The following ZNF470 variants were observed in gnomAD, a reference collection of about 807,000 sequenced individuals.
ZNF470 encodes chondrogenesis zinc finger protein 1.
A neutral mutation model predicts 13.9 loss-of-function variants in ZNF470; 13 were observed. The ratio of observed to expected loss-of-function variants is 0.94; its 90% CI spans 0.61 to 1.49. ZNF470 has a LOEUF of 1.49. Among genes scored for constraint, ZNF470 ranks in the 40% most tolerant of loss-of-function variants. The pLI, the probability that ZNF470 is intolerant of heterozygous loss-of-function variation, is 0.00. For missense variants in ZNF470, 929 were observed against 857.3 expected (o/e 1.08, Z -1.04); for synonymous variants, 293 against 282.9 (o/e 1.04, Z -0.36).
At position 56,579,282 on chromosome 19, in the gene ZNF470, C is replaced by A; in HGVS notation, c.*699C>A. 1 of 577,410 alleles carries A rather than the reference C, an allele frequency of 1.7e-6. No individual in the cohort carries two copies. Among genetic ancestry groups the A allele is most frequent in the Non-Finnish European group, 2.2e-6 (1 of 458,052 alleles). The allele number at this position is 577,410 out of a possible 1,614,324, so 35.8% of individuals were successfully genotyped here. A position where few individuals can be genotyped will look rare whatever the true frequency, so the allele number is the denominator to read the frequency against. Reference sequence around the variant, plus strand: ...ACAAAAAATACAGAAATTAGCCAGGCGTGGTGGTGCACACCTGTAGTCCTA... The same window carrying A: ...ACAAAAAATACAGAAATTAGCCAGGAGTGGTGGTGCACACCTGTAGTCCTA... On this transcript the variant is annotated 3_prime_UTR_variant, in exon 6 of 6. Transcript: ENST00000330619.
In ZNF470 at chr19:56,579,060, T is replaced by A. The variant is rs1485789311; in HGVS notation, c.*477T>A. 1 of 985,786 alleles carries A rather than the reference T, an allele frequency of 1.0e-6. No homozygotes were observed. The highest frequency in any genetic ancestry group is 1.2e-6 in the Non-Finnish European group (1 of 830,280). The allele number at this position is 985,786 out of a possible 1,614,324, so 61.1% of individuals were successfully genotyped here. A position where few individuals can be genotyped will look rare whatever the true frequency, so the allele number is the denominator to read the frequency against. ...GGTAACATGGTGGCTTATCACTCCC[T>A]CTGTGACATTGTTGATGAGCAACTC... On this transcript the variant is annotated 3_prime_UTR_variant, in exon 6 of 6. Transcript: ENST00000330619.
At position 56,577,793 on chromosome 19, in the gene ZNF470, G is replaced by A. The variant is rs746484714; in HGVS notation, c.1364G>A (p.Cys455Tyr). The change falls in exon 6 of 6, where the codon TGC becomes TAC. Residue 455 changes from cysteine (C) to tyrosine (Y), a missense_variant. Cys to Tyr is a radical substitution (Grantham distance 194). Transcript: ENST00000330619. ...RIHTGEKPYE[C>Y]NICEKAFSHR... is the part of the protein sequence containing the mutation. The stretch of plus-strand genomic sequence containing the variant: ...CATACAGGAGAGAAACCTTATGAAT[G>A]CAATATCTGTGAGAAAGCCTTCAGC... 1 of 1,613,946 alleles carries A rather than the reference G, an allele frequency of 6.2e-7. No individual in the cohort carries two copies. The highest frequency in any genetic ancestry group is 1.1e-5 in the South Asian group (1 of 91,062).
chr19:56,578,549 T>C lies in ZNF470; in HGVS notation c.2120T>C (p.Leu707Pro), dbSNP rs1281028321. ...CATACCGGAGAGTCATCAGTTATTC[T>C]CTCCTCTGCCCTCCCATACCACCAA... ...RIHTGESSVI[L>P]SSALPYHQVL The change falls in exon 6 of 6, where the codon CTC becomes CCC. Residue 707 changes from leucine to proline, a missense_variant. Coordinates refer to ENST00000330619, the MANE Select transcript of ZNF470 (RefSeq NM_001001668.4). 27 of 1,569,778 alleles carry C rather than the reference T, an allele frequency of 1.7e-5. No homozygotes were observed. Among genetic ancestry groups the C allele is most frequent in the Non-Finnish European group, 2.3e-5 (27 of 1,157,956 alleles).
intron 3 of ZNF470, among the ~76,000 whole-genome samples, chr19:56,571,775 ATTTTTTTTTTT>A (rs35836571): frequency 1.5e-5 from 2 of 131,974 alleles, no homozygotes; most frequent in Non-Finnish European, 3.2e-5. Flanking sequence ...CACCTGGCTA[ATTTTTTTTTTT>A]TTTTTTTTTT....
At chr19:56,573,748 C>T (rs1281820380) in intron 3 of ZNF470, among the ~76,000 whole-genome samples, 7 of 152,094 alleles carry the variant, frequency 4.6e-5, no homozygotes, top group Non-Finnish European at 1.0e-4. Context: ...TTGAGATCAG[C>T]CTGGGCAATA....
chr19:56,575,338 C>A (rs2044481176), intron 5 of ZNF470, among the ~76,000 whole-genome samples: 3 of 151,962 alleles, frequency 2.0e-5, no homozygotes, highest in Non-Finnish European at 4.4e-5. Context: ...TCTTCTGATA[C>A]CCTTACAAAA....
Position 56,581,666 on chromosome 19 carries a change from T to C in ZNF470, c.*3083T>C, listed in dbSNP as rs1330578057. ...GTAGTATAGGCCCATAATTGTGATA[T>C]CAAAAATAAAAATCAAAATATATAT... On this transcript the variant is annotated 3_prime_UTR_variant, in exon 6 of 6. Coordinates refer to ENST00000330619, the MANE Select transcript of ZNF470 (RefSeq NM_001001668.4). The C allele has an allele frequency of 1.0e-6, 1 of 972,576 alleles. No homozygotes were observed. Among genetic ancestry groups the C allele is most frequent in the African/African-American group, 1.8e-5 (1 of 57,114 alleles). 60.2% of individuals were successfully genotyped at this position (972,576 alleles called of 1,614,324 possible). A position where few individuals can be genotyped will look rare whatever the true frequency, so the allele number is the denominator to read the frequency against.
rs756038673 is a variant in ZNF470, at chr19:56,578,510, A to C, written c.2081A>C (p.His694Pro). 70 of 1,604,120 alleles carry C rather than the reference A, an allele frequency of 4.4e-5. No homozygotes were observed. Among genetic ancestry groups the C allele is most frequent in the Non-Finnish European group, 5.6e-5 (66 of 1,175,222 alleles). The change falls in exon 6 of 6, where the codon CAT becomes CCT. Residue 694 changes from histidine to proline, a missense_variant. Physicochemically the swap from His to Pro is moderately conservative, Grantham distance 77. Coordinates refer to ENST00000330619, the MANE Select transcript of ZNF470 (RefSeq NM_001001668.4). The stretch of plus-strand genomic sequence containing the variant: ...TTCAGGCAGAGTGTACATCTTGCTC[A>C]TCATCAGCGAATTCATACCGGAGAG... ...KAFRQSVHLA[H>P]HQRIHTGESS...
chr19:56,568,041 AAG>A lies in ZNF470; in HGVS notation c.-159+6_-159+7del. 2 of 985,806 alleles carry A rather than the reference AAG, an allele frequency of 2.0e-6. No homozygotes were observed. Among genetic ancestry groups the A allele is most frequent in the Non-Finnish European group, 2.4e-6 (2 of 830,182 alleles). The allele number at this position is 985,806 out of a possible 1,614,324, so 61.1% of individuals were successfully genotyped here. A position where few individuals can be genotyped will look rare whatever the true frequency, so the allele number is the denominator to read the frequency against. ...GACCATGGGGACTGAGTACACAGGTAAGAGTGACAGATGACGGATGTGGCTGC... is the reference window on the plus strand; with the variant it reads ...GACCATGGGGACTGAGTACACAGGTAAGTGACAGATGACGGATGTGGCTGC... On this transcript the variant is annotated splice_donor_5th_base_variant and intron_variant, in intron 1 of 5. Transcript: ENST00000330619.
rs372632271 is a variant in ZNF470 at position 56,574,532 on chromosome 19, T to C, written c.187+12T>C. 1.4e-4 allele frequency: 231 copies of C among 1,613,464 alleles called. No individual in the cohort carries two copies. In the African/African-American group the frequency reaches 2.4e-3, roughly 17 times the overall value. Reference sequence around the variant, plus strand: ...CCTAGTTTCAGTGGGTAAGAGTATCTTCCTCCTGTTGCCTCCCCATGACTC... The same window carrying C: ...CCTAGTTTCAGTGGGTAAGAGTATCCTCCTCCTGTTGCCTCCCCATGACTC... On this transcript the variant is annotated intron_variant, in intron 4 of 5. Coordinates refer to ENST00000330619, the MANE Select transcript of ZNF470 (RefSeq NM_001001668.4).
Position 56,578,075 on chromosome 19 carries a change from T to G in ZNF470, c.1646T>G (p.Ile549Ser). 1 of 1,613,696 alleles carries G rather than the reference T, an allele frequency of 6.2e-7. No homozygotes were observed. The highest frequency in any genetic ancestry group is 8.5e-7 in the Non-Finnish European group (1 of 1,179,850). Reference sequence around the variant, plus strand: ...GAATGTGGTAAGGCCTTCAGTCAGATTGCACACCTTGTTCAGCACCAGAGA... The same window carrying G: ...GAATGTGGTAAGGCCTTCAGTCAGAGTGCACACCTTGTTCAGCACCAGAGA... ...CKECGKAFSQ[I>S]AHLVQHQRVH... is the part of the protein sequence containing the mutation. Residue 549 changes from isoleucine (I) to serine (S), a missense_variant, in exon 6 of 6, where the codon ATT (isoleucine) becomes AGT (serine). Physicochemically the swap from Ile to Ser is moderately radical, Grantham distance 142. Coordinates refer to ENST00000330619, the MANE Select transcript of ZNF470 (RefSeq NM_001001668.4).
Position 56,581,251 on chromosome 19 carries a change from C to T in ZNF470, c.*2668C>T, listed in dbSNP as rs2044533392. ...ATAAAAGCAGTTAATGAAAATTATCCAATATCACTAGAAATCAAGAAATGC... is the reference window on the plus strand; with the variant it reads ...ATAAAAGCAGTTAATGAAAATTATCTAATATCACTAGAAATCAAGAAATGC... On this transcript the variant is annotated 3_prime_UTR_variant, in exon 6 of 6. Coordinates refer to ENST00000330619, the MANE Select transcript of ZNF470 (RefSeq NM_001001668.4). 1.6e-6 allele frequency: 1 copy of T among 614,844 alleles called. No individual in the cohort carries two copies. Among genetic ancestry groups the T allele is most frequent in the Non-Finnish European group, 2.0e-6 (1 of 492,230 alleles). The allele number at this position is 614,844 out of a possible 1,614,324, so 38.1% of individuals were successfully genotyped here.
chr19:56,577,307 T>G lies in ZNF470; in HGVS notation c.878T>G (p.Phe293Cys), dbSNP rs139195447. Residue 293 changes from phenylalanine (F) to cysteine (C), a missense_variant, in exon 6 of 6, where the codon TTC (phenylalanine) becomes TGC (cysteine). Phe to Cys is a radical substitution (Grantham distance 205). Transcript: ENST00000330619. ...PFECTECGKA[F>C]SQNAHLVQHQ... ...GAATGTACTGAATGTGGGAAAGCCT[T>G]CAGCCAGAATGCTCATCTTGTTCAA... 272 of 1,613,762 alleles carry G rather than the reference T, an allele frequency of 1.7e-4. No individual in the cohort carries two copies. The highest frequency in any genetic ancestry group is 2.2e-4 in the Non-Finnish European group (261 of 1,179,884).
chr19:56,580,349 A>G lies in ZNF470; in HGVS notation c.*1766A>G. ...TAAATGTTGATTTAGAAGCTGGTGGAAGGGTATTTTTTGAGTGACAGCTTT... is the reference window on the plus strand; with the variant it reads ...TAAATGTTGATTTAGAAGCTGGTGGGAGGGTATTTTTTGAGTGACAGCTTT... On this transcript the variant is annotated 3_prime_UTR_variant, in exon 6 of 6. Transcript: ENST00000330619. 2.5e-5 allele frequency: 5 copies of G among 197,656 alleles called. No homozygotes were observed. Among genetic ancestry groups the G allele is most frequent in the Non-Finnish European group, 4.5e-5 (5 of 109,910 alleles). The allele number at this position is 197,656 out of a possible 1,614,324, so 12.2% of individuals were successfully genotyped here. A position where few individuals can be genotyped will look rare whatever the true frequency, so the allele number is the denominator to read the frequency against.
At chr19:56,569,630 A>ATTT (rs1246917845) in intron 2 of ZNF470, among the ~76,000 whole-genome samples, 1 of 152,058 alleles carries the variant, frequency 6.6e-6, no homozygotes, top group Non-Finnish European at 1.5e-5. Flanking sequence ...GATTTTGGAG[A>ATTT]TTTAAAGACA....
chr19:56,573,921 T>G (rs985663853), intron 3 of ZNF470: 3 of 982,058 alleles, frequency 3.1e-6, no homozygotes, highest in Non-Finnish European at 3.6e-6. Flanking sequence ...GCATACCTCT[T>G]AACATCTCAA....
At chr19:56,568,399 C>G (rs2044426623) in intron 1 of ZNF470, among the ~76,000 whole-genome samples, 1 of 152,146 alleles carries the variant, frequency 6.6e-6, no homozygotes, top group Non-Finnish European at 1.5e-5. Flanking sequence ...AGAGCCTTGT[C>G]CCATCTATCA....
rs1466687009 is a variant in ZNF470 at position 56,574,637 on chromosome 19, G to C, written c.188-1G>C. The C allele has an allele frequency of 1.2e-6, 2 of 1,613,082 alleles. No individual in the cohort carries two copies. The highest frequency in any genetic ancestry group is 8.5e-7 in the Non-Finnish European group (1 of 1,179,602). On this transcript the variant is annotated splice_acceptor_variant, in intron 4 of 5. Coordinates refer to ENST00000330619, the MANE Select transcript of ZNF470 (RefSeq NM_001001668.4). LOFTEE classifies it high-confidence loss of function. ...ATTTTTATATGTCTTTTTACATGCA[G>C]GTCTTTGCATTTCTAAACCAGATGT...
In ZNF470 at chr19:56,579,878, C is replaced by A; in HGVS notation, c.*1295C>A. On this transcript the variant is annotated 3_prime_UTR_variant, in exon 6 of 6. Coordinates refer to ENST00000330619, the MANE Select transcript of ZNF470 (RefSeq NM_001001668.4). The stretch of plus-strand genomic sequence containing the variant: ...TAGTTGAGAAGCTGATTCTGATCAT[C>A]TGTAGAATTTTGATTTTAACGAGGA... 1 of 497,612 alleles carries A rather than the reference C, an allele frequency of 2.0e-6. No individual in the cohort carries two copies. The highest frequency in any genetic ancestry group is 2.6e-6 in the Non-Finnish European group (1 of 384,548). 30.8% of individuals were successfully genotyped at this position (497,612 alleles called of 1,614,324 possible). A position where few individuals can be genotyped will look rare whatever the true frequency, so the allele number is the denominator to read the frequency against.
Sources: allele counts gnomAD v4.1 joint callset (sites outside exome capture counted in the v4.1 genomes callset), GRCh38; gene constraint gnomAD v4.1.1; transcripts MANE v1.5; gene names NCBI Gene and HGNC (gene_info 2026-07-23, HGNC 2026-07-21).